PSD3: variants seen among roughly 807,000 people sequenced by gnomAD.
PSD3 encodes PH and SEC7 domain-containing protein 3.
PSD3 carries 49 observed loss-of-function variants against 105.5 expected under a neutral mutation model. That is an observed-to-expected ratio of 0.46 (90% CI 0.37 to 0.59). The LOEUF (loss-of-function observed/expected upper bound fraction) is 0.59, where lower values mean the gene tolerates loss of function less well. Among genes scored for constraint, PSD3 ranks in the 20% least tolerant of loss-of-function variants. The pLI is 0.00. For missense variants in PSD3, 1,561 were observed against 1,263.8 expected, an observed-to-expected ratio of 1.24 and a Z score of -3.57; for synonymous variants, 557 against 457.8, an observed-to-expected ratio of 1.22 and a Z score of -2.77.
chr8:19,004,802 G>C lies in PSD3; in HGVS notation c.21+8761C>G, dbSNP rs1226031643. On this transcript the variant is annotated intron_variant, in intron 1 of 15. Coordinates refer to ENST00000327040, the MANE Select transcript of PSD3 (RefSeq NM_015310.4). ...TGAGTCTTTCCAATGCTGTTCTCTT[G>C]ATTGTAATAAGTCTCAAGAGATCTG... Among the ~76,000 whole-genome samples the C allele has an allele frequency of 2.6e-5, 4 of 151,952 alleles. No individual in the cohort carries two copies. In the East Asian group the frequency reaches 7.7e-4, roughly 29 times the overall value.
At chr8:18,726,985 G>A (rs370415586) in intron 9 of PSD3, among the ~76,000 whole-genome samples, 1 of 152,174 alleles carries the variant, frequency 6.6e-6, no homozygotes, top group East Asian at 1.9e-4. Context: ...CCTGAAGTCA[G>A]GAGTTCTAGA....
intron 11 of PSD3, among the ~76,000 whole-genome samples, chr8:18,601,527 C>T (rs1004494208): frequency 6.6e-6 from 1 of 152,216 alleles, no homozygotes; most frequent in Non-Finnish European, 1.5e-5. Context: ...AGGTGAATAG[C>T]CACTTACAGA....
intron 4 of PSD3, among the ~76,000 whole-genome samples, chr8:18,831,851 T>G (rs974266697): frequency 3.3e-5 from 5 of 152,192 alleles, no homozygotes; most frequent in African/African-American, 1.2e-4. Flanking sequence ...CTATTCATAT[T>G]CAGTTCTGAG....
chr8:18,608,237 A>G (rs1232485710), intron 11 of PSD3, among the ~76,000 whole-genome samples: 1 of 152,160 alleles, frequency 6.6e-6, no homozygotes, highest in Non-Finnish European at 1.5e-5. Flanking sequence ...AAATTATTTA[A>G]GAGTTGATTC....
At chr8:18,959,410 T>A (rs1280560808) in intron 1 of PSD3, among the ~76,000 whole-genome samples, 1 of 152,146 alleles carries the variant, frequency 6.6e-6, no homozygotes, top group Non-Finnish European at 1.5e-5. Flanking sequence ...AATAACCCGC[T>A]GTACACTTTA....
rs538648690 is a variant in PSD3 at position 18,600,329 on chromosome 8, G to A, written c.2481+35C>T. ...CTGGACCTCATGTAATTATTTCATC[G>A]AGTTTTGTGGATTTTTTATCTGCTT... is the stretch of plus-strand genomic sequence containing the variant. On this transcript the variant is annotated intron_variant, in intron 12 of 15. Transcript: ENST00000327040. 129 of 1,540,810 alleles carry A rather than the reference G, an allele frequency of 8.4e-5. No individual in the cohort carries two copies. The East Asian group carries it at 2.3e-3, about 27-fold the overall frequency.
intron 7 of PSD3, among the ~76,000 whole-genome samples, chr8:18,799,604 G>A (rs1178018531): frequency 6.6e-6 from 1 of 152,158 alleles, no homozygotes; most frequent in African/African-American, 2.4e-5. Flanking sequence ...GATATGTAAA[G>A]CCTTCAAACA....
chr8:18,621,611 G>A (rs573367047), intron 11 of PSD3, among the ~76,000 whole-genome samples: 13 of 152,252 alleles, frequency 8.5e-5, no homozygotes, highest in African/African-American at 2.6e-4. Context: ...AAACTAGAGA[G>A]TCACGTGACA....
chr8:18,953,315 G>T (rs538450559), intron 1 of PSD3, among the ~76,000 whole-genome samples: 1 of 127,664 alleles, frequency 7.8e-6, no homozygotes, highest in African/African-American at 2.9e-5. Context: ...GTGTGTGTAT[G>T]TTGTGTGTGT....
chr8:18,554,634 T>C (rs1800961524), intron 15 of PSD3, among the ~76,000 whole-genome samples: 1 of 152,118 alleles, frequency 6.6e-6, no homozygotes, highest in African/African-American at 2.4e-5. Context: ...TCTATGAAAT[T>C]GTATCCAATT....
rs139327406 is a variant in PSD3 at position 18,738,023 on chromosome 8, T to C, written c.2172+27426A>G. Reference sequence around the variant, plus strand: ...CAACTAGAAGCTATCTTTGCTAGATTTTAAAAGTCTTAATCAGTGTGAAAT... The same window carrying C: ...CAACTAGAAGCTATCTTTGCTAGATCTTAAAAGTCTTAATCAGTGTGAAAT... On this transcript the variant is annotated intron_variant, in intron 9 of 15. Coordinates refer to ENST00000327040, the MANE Select transcript of PSD3 (RefSeq NM_015310.4). Among the ~76,000 whole-genome samples the C allele has an allele frequency of 2.8e-4, 43 of 152,292 alleles. No homozygotes were observed. In the East Asian group the frequency reaches 7.7e-3, roughly 27 times the overall value.
chr8:18,879,051 A>ACACACACACAC (rs1817919933), intron 2 of PSD3, among the ~76,000 whole-genome samples: 1 of 138,578 alleles, frequency 7.2e-6, no homozygotes, highest in Non-Finnish European at 1.6e-5. Context: ...CACACACACA[A>ACACACACACAC]ACACACACAC....
rs144018187 is a variant in PSD3 at position 18,908,749 on chromosome 8, T to A, written c.130+27285A>T. On this transcript the variant is annotated intron_variant, in intron 2 of 15. Coordinates refer to ENST00000327040, the MANE Select transcript of PSD3 (RefSeq NM_015310.4). ...GTTCCTCGTATGAATGTTGTCTTGC[T>A]TGTAAGTTCATTATCTCCTTATAAG... Among the ~76,000 whole-genome samples the A allele has an allele frequency of 2.4e-3, 367 of 152,332 alleles. 2 individuals carry two copies. The highest frequency in any genetic ancestry group is 2.6e-3 in the Non-Finnish European group (177 of 68,024).
At chr8:18,852,152 C>G (rs571006957) in intron 4 of PSD3, among the ~76,000 whole-genome samples, 1 of 150,430 alleles carries the variant, frequency 6.6e-6, no homozygotes, top group African/African-American at 2.4e-5. Context: ...ATTTTTGAGG[C>G]AGGAAAAAAA....
intron 14 of PSD3, among the ~76,000 whole-genome samples, chr8:18,566,082 C>T (rs994354972): frequency 6.6e-6 from 1 of 152,140 alleles, no homozygotes; most frequent in Non-Finnish European, 1.5e-5. Context: ...GCTGGAGGCA[C>T]ACTATGACCC....
chr8:18,957,026 CAGTGA>C (rs1823612461), intron 1 of PSD3, among the ~76,000 whole-genome samples: 1 of 152,182 alleles, frequency 6.6e-6, no homozygotes, highest in Non-Finnish European at 1.5e-5. Flanking sequence ...ATTCAGTAAG[CAGTGA>C]CTGCCAATTC....
intron 12 of PSD3, among the ~76,000 whole-genome samples, chr8:18,581,635 T>C (rs779245780): frequency 6.6e-6 from 1 of 152,208 alleles, no homozygotes; most frequent in Admixed American, 6.5e-5. Context: ...ACCCTGTGTT[T>C]TCTCCAACCT....
intron 2 of PSD3, among the ~76,000 whole-genome samples, chr8:18,885,930 G>C (rs917764047): frequency 3.3e-5 from 5 of 152,130 alleles, no homozygotes; most frequent in African/African-American, 9.7e-5. Context: ...CGTGTTTCCA[G>C]AACATTTTTG....
rs1799609469 is a variant in PSD3 at position 18,530,964 on chromosome 8, T to C, written c.*4779A>G. ...TATGAGGTTGTACTTGCTTTTCATA[T>C]CACACTGATTAAGGACAAAAATAAT... On this transcript the variant is annotated 3_prime_UTR_variant, in exon 16 of 16. Coordinates refer to ENST00000327040, the MANE Select transcript of PSD3 (RefSeq NM_015310.4). 1 of 152,206 alleles carries C rather than the reference T, an allele frequency of 6.6e-6. No homozygotes were observed. Among genetic ancestry groups the C allele is most frequent in the Non-Finnish European group, 1.5e-5 (1 of 68,032 alleles). 9.4% of individuals were successfully genotyped at this position (152,206 alleles called of 1,614,324 possible).
Sources: gnomAD v4.1 joint callset for allele counts (sites outside exome capture counted in the v4.1 genomes callset) on GRCh38, gnomAD v4.1.1 for gene constraint, MANE v1.5 for transcripts, NCBI Gene and HGNC (gene_info 2026-07-23, HGNC 2026-07-21) for gene names.